CD59: variants seen among roughly 807,000 people sequenced by gnomAD.
The protein encoded by CD59 is CD59 glycoprotein.
In CD59, 3 loss-of-function variants were observed where a neutral mutation model predicts 7.0. The observed-to-expected ratio is 0.43, with a 90% confidence interval of 0.19 to 1.10. CD59 has a LOEUF of 1.10. Among genes scored for constraint, CD59 ranks in the 50% least tolerant of loss-of-function variants. The probability of loss-of-function intolerance (pLI) is 0.29; values close to 1 mark genes in which losing one functional copy is unlikely to be tolerated. For missense variants in CD59, 143 were observed against 151.0 expected (o/e 0.95, Z 0.28); for synonymous variants, 60 against 62.0 (o/e 0.97, Z 0.15).
chr11:33,710,856 C>G (rs993408559), intron 3 of CD59, among the ~76,000 whole-genome samples: 1 of 151,402 alleles, frequency 6.6e-6, no homozygotes, highest in Non-Finnish European at 1.5e-5. Context: ...CCATGCCCAG[C>G]CAAAGCTATG....
chr11:33,723,632 G>A (rs1156758998), intron 1 of CD59, among the ~76,000 whole-genome samples: 13 of 152,304 alleles, frequency 8.5e-5, no homozygotes, highest in African/African-American at 3.1e-4. Context: ...CCCACCACCC[G>A]CTGGGCTCTG....
intron 2 of CD59, chr11:33,718,921 C>G (rs1395235590): frequency 6.6e-6 from 1 of 152,214 alleles, no homozygotes; most frequent in African/African-American, 2.4e-5. Flanking sequence ...TGGATACCCC[C>G]TTTTCCATCA....
intron 3 of CD59, among the ~76,000 whole-genome samples, chr11:33,716,832 C>T (rs757909877): frequency 2.6e-5 from 4 of 152,164 alleles, no homozygotes; most frequent in Non-Finnish European, 5.9e-5. Context: ...TTACCTCCTA[C>T]GTGTCCTTTG....
rs1352263529 is a variant in CD59 at position 33,708,581 on chromosome 11, G to A, written c.*1545C>T. 6.7e-6 allele frequency: 1 copy of A among 150,214 alleles called. No homozygotes were observed. The highest frequency in any genetic ancestry group is 2.5e-5 in the African/African-American group (1 of 40,588). 9.3% of individuals were successfully genotyped at this position (150,214 alleles called of 1,614,324 possible). On this transcript the variant is annotated 3_prime_UTR_variant, in exon 4 of 4. Coordinates refer to ENST00000642928, the MANE Select transcript of CD59 (RefSeq NM_000611.6). ...TTGCTCAGCCGGTGGCTGTGGGCATGGTCAGTACTTCCTCAGGCCAAAAAA... is the reference window on the plus strand; with the variant it reads ...TTGCTCAGCCGGTGGCTGTGGGCATAGTCAGTACTTCCTCAGGCCAAAAAA...
chr11:33,731,656 A>G (rs933212891), intron 1 of CD59, among the ~76,000 whole-genome samples: 1 of 152,210 alleles, frequency 6.6e-6, no homozygotes, highest in Non-Finnish European at 1.5e-5. Flanking sequence ...CTGCTGGTTC[A>G]GGGATCACAC....
chr11:33,705,244 T>C lies in CD59; in HGVS notation c.*4882A>G, dbSNP rs1178762739. The C allele has an allele frequency of 6.6e-6, 1 of 152,158 alleles. No homozygotes were observed. The highest frequency in any genetic ancestry group is 1.5e-5 in the Non-Finnish European group (1 of 68,032). 9.4% of individuals were successfully genotyped at this position (152,158 alleles called of 1,614,324 possible). A position where few individuals can be genotyped will look rare whatever the true frequency, so the allele number is the denominator to read the frequency against. The stretch of plus-strand genomic sequence containing the variant: ...CATGTTATCCTGACAGTAACACTTA[T>C]AGGGTAGGTCTGTCAGAATTTTCTG... On this transcript the variant is annotated 3_prime_UTR_variant, in exon 4 of 4. Coordinates refer to ENST00000642928, the MANE Select transcript of CD59 (RefSeq NM_000611.6).
chr11:33,725,553 A>G (rs1251182746), intron 1 of CD59, among the ~76,000 whole-genome samples: 1 of 152,196 alleles, frequency 6.6e-6, no homozygotes, highest in Non-Finnish European at 1.5e-5. Flanking sequence ...CTCAAAGAAG[A>G]TATGTAGGAA....
intron 3 of CD59, among the ~76,000 whole-genome samples, chr11:33,716,704 G>C (rs1466141003): frequency 6.6e-6 from 1 of 152,194 alleles, no homozygotes; most frequent in African/African-American, 2.4e-5. Flanking sequence ...AGACTGGACA[G>C]GACTTGTGCA....
chr11:33,722,703 C>T (rs530586931), intron 1 of CD59: 1 of 1,307,286 alleles, frequency 7.6e-7, no homozygotes, highest in Non-Finnish European at 9.8e-7. Flanking sequence ...ACACTATCTT[C>T]CCCATCAGGG....
intron 2 of CD59, chr11:33,718,640 T>A (rs1853911763): frequency 6.6e-6 from 1 of 152,170 alleles, no homozygotes; most frequent in Non-Finnish European, 1.5e-5. Context: ...TTTAAACCCA[T>A]GGGCATAGGA....
At chr11:33,712,495 G>A (rs746829269) in intron 3 of CD59, among the ~76,000 whole-genome samples, 2 of 152,182 alleles carry the variant, frequency 1.3e-5, no homozygotes, top group African/African-American at 2.4e-5. Flanking sequence ...AGTGAACCTT[G>A]GAAACATTAT....
chr11:33,709,269 C>A lies in CD59; in HGVS notation c.*857G>T, dbSNP rs934358008. On this transcript the variant is annotated 3_prime_UTR_variant, in exon 4 of 4. Transcript: ENST00000642928. ...ACTGTAACCACAAAGGGTGTCCCCA[C>A]TGCATTCATACTATATACACACATA... 2.6e-5 allele frequency: 4 copies of A among 152,284 alleles called. No homozygotes were observed. The highest frequency in any genetic ancestry group is 9.6e-5 in the African/African-American group (4 of 41,456). 9.4% of individuals were successfully genotyped at this position (152,284 alleles called of 1,614,324 possible). A position where few individuals can be genotyped will look rare whatever the true frequency, so the allele number is the denominator to read the frequency against.
At chr11:33,721,146 T>C (rs968780055) in intron 2 of CD59, among the ~76,000 whole-genome samples, 1 of 152,168 alleles carries the variant, frequency 6.6e-6, no homozygotes, top group Admixed American at 6.5e-5. Context: ...AGAAAAAATA[T>C]AGTGTTTTAA....
chr11:33,711,505 T>C, intron 3 of CD59: 1 of 655,086 alleles, frequency 1.5e-6, no homozygotes, highest in Non-Finnish European at 2.7e-6. Context: ...ATATCCCAAC[T>C]CTACAAAAAT....
intron 2 of CD59, chr11:33,718,212 G>C (rs1853888043): frequency 6.5e-6 from 1 of 153,388 alleles, no homozygotes; most frequent in Non-Finnish European, 1.5e-5. Context: ...GCCAGGCGCA[G>C]TGGCTCACGC....
At chr11:33,725,434 T>G (rs1222254138) in intron 1 of CD59, among the ~76,000 whole-genome samples, 1 of 152,184 alleles carries the variant, frequency 6.6e-6, no homozygotes, top group African/African-American at 2.4e-5. Context: ...TCCAAACATT[T>G]CAGGATTCAT....
At chr11:33,713,832 G>A (rs1590519806) in intron 3 of CD59, among the ~76,000 whole-genome samples, 1 of 152,166 alleles carries the variant, frequency 6.6e-6, no homozygotes, top group African/African-American at 2.4e-5. Flanking sequence ...TCTCACCAAA[G>A]CCAGCCTTGG....
chr11:33,722,688 G>A (rs1244065423), intron 1 of CD59: 26 of 1,340,206 alleles, frequency 1.9e-5, no homozygotes, highest in Admixed American at 2.9e-5. Context: ...CACACTGTGG[G>A]AATAACACTA....
At chr11:33,724,472 C>T (rs1854191055) in intron 1 of CD59, among the ~76,000 whole-genome samples, 1 of 152,228 alleles carries the variant, frequency 6.6e-6, no homozygotes. Flanking sequence ...TCTGATCACG[C>T]TTTGGCTAGT....
Sources: allele counts gnomAD v4.1 joint callset (sites outside exome capture counted in the v4.1 genomes callset), GRCh38; gene constraint gnomAD v4.1.1; transcripts MANE v1.5; gene names NCBI Gene and HGNC (gene_info 2026-07-23, HGNC 2026-07-21).